Variants in RANBP2 observed in about 807,000 individuals in gnomAD.
RANBP2 encodes the protein RAN binding protein 2.
Under a neutral mutation model 303.6 loss-of-function variants are expected in RANBP2, and 57 were observed. The ratio of observed to expected loss-of-function variants is 0.19; its 90% CI spans 0.15 to 0.23. RANBP2 has a LOEUF of 0.23. Among genes scored for constraint, RANBP2 ranks in the 10% least tolerant of loss-of-function variants. RANBP2 has a pLI of 1.00. For synonymous variants in RANBP2, 1,167 were observed against 1,301.5 expected (o/e 0.90, Z 2.23); for missense variants, 3,138 against 3,780.8 (o/e 0.83, Z 4.46).
chr2:108,825,757 A>T, the RANBP2 span, among the ~76,000 whole-genome samples: 1 of 152,154 alleles, frequency 6.6e-6, no homozygotes, highest in Non-Finnish European at 1.5e-5. Flanking sequence ...GTTGCTATGA[A>T]CATTTATCCA....
the RANBP2 span, among the ~76,000 whole-genome samples, chr2:109,458,578 G>C: frequency 1.5e-5 from 2 of 137,590 alleles, no homozygotes; most frequent in South Asian, 2.4e-4. Context: ...GAGACAGAGA[G>C]AGAGAGAGAG....
At chr2:109,510,731 C>T in the RANBP2 span, among the ~76,000 whole-genome samples, 1 of 152,190 alleles carries the variant, frequency 6.6e-6, no homozygotes, top group South Asian at 2.1e-4. Flanking sequence ...GGGGAAGGGC[C>T]CCGTCTGACC....
the RANBP2 span, among the ~76,000 whole-genome samples, chr2:108,908,532 G>A: frequency 2.0e-5 from 3 of 152,102 alleles, no homozygotes; most frequent in East Asian, 1.9e-4. Flanking sequence ...GACTAGGGGG[G>A]TGACCTGGCT....
chr2:109,078,096 A>ATATATATATATATAGCG, the RANBP2 span, among the ~76,000 whole-genome samples: 16 of 54,636 alleles, frequency 2.9e-4, 1 homozygote, highest in African/African-American at 1.7e-3. Context: ...ATATATATAT[A>ATATATATATATATAGCG]TATATATATA....
At chr2:109,020,609 A>T in the RANBP2 span, among the ~76,000 whole-genome samples, 1 of 152,238 alleles carries the variant, frequency 6.6e-6, no homozygotes, top group Admixed American at 6.5e-5. Flanking sequence ...CCCCACAATG[A>T]TATTAACAAT....
At chr2:109,387,992 C>T in the RANBP2 span, among the ~76,000 whole-genome samples, 1 of 152,140 alleles carries the variant, frequency 6.6e-6, no homozygotes, top group South Asian at 2.1e-4. Context: ...TCCTCGGTCC[C>T]TGTTCAGGAG....
Position 108,781,371 on chromosome 2 carries a change from A to C in RANBP2, c.8702A>C (p.Asp2901Ala). Residue 2901 changes from aspartate (D) to alanine (A), a missense_variant, in exon 26 of 29, where the codon GAT becomes GCT. Physicochemically the swap from Asp to Ala is moderately radical, Grantham distance 126. This residue lies in a region of RANBP2 where 68 missense variants were observed against 117.4 expected (regional missense o/e 0.58). Coordinates refer to ENST00000283195, the MANE Select transcript of RANBP2 (RefSeq NM_006267.5). ...GTTGGTGAAGATGAAGATGGTAGTG[A>C]TGAAGAAGTAGTTCATAATGAAGAT... ...GKVGEDEDGS[D>A]EEVVHNEDIH... 6.2e-7 allele frequency: 1 copy of C among 1,614,204 alleles called. No homozygotes were observed. Among genetic ancestry groups the C allele is most frequent in the Non-Finnish European group, 8.5e-7 (1 of 1,180,040 alleles).
At chr2:108,799,701 A>G in the RANBP2 span, among the ~76,000 whole-genome samples, 31 of 152,276 alleles carry the variant, frequency 2.0e-4, no homozygotes, top group African/African-American at 7.0e-4. Context: ...TCTTCAGCCA[A>G]TATTTCATCA....
At chr2:109,538,456 T>C in the RANBP2 span, among the ~76,000 whole-genome samples, 1 of 152,234 alleles carries the variant, frequency 6.6e-6, no homozygotes, top group South Asian at 2.1e-4. Context: ...ACGGGCTTTC[T>C]TTAAATGTCT....
At chr2:109,213,939 A>G in the RANBP2 span, among the ~76,000 whole-genome samples, 1 of 152,174 alleles carries the variant, frequency 6.6e-6, no homozygotes, top group Admixed American at 6.5e-5. Flanking sequence ...TGACTCAGTG[A>G]CTGCCCTCAG....
chr2:108,769,842 G>A (rs1677374586), intron 20 of RANBP2, among the ~76,000 whole-genome samples: 1 of 151,890 alleles, frequency 6.6e-6, no homozygotes, highest in Middle Eastern at 3.4e-3. Context: ...CAAGAAGTGG[G>A]ATCTGTTGAA....
the RANBP2 span, chr2:108,930,200 C>A: frequency 1.9e-6 from 3 of 1,613,978 alleles, no homozygotes; most frequent in East Asian, 6.7e-5. Context: ...TCGTTCTCAC[C>A]GCAGTTTGAG....
chr2:109,118,877 G>T, the RANBP2 span, among the ~76,000 whole-genome samples: 1 of 152,196 alleles, frequency 6.6e-6, no homozygotes. Flanking sequence ...TGTCATTTGA[G>T]GGGGTGAGGC....
chr2:109,160,578 C>T, the RANBP2 span, among the ~76,000 whole-genome samples: 1 of 152,138 alleles, frequency 6.6e-6, no homozygotes, highest in Non-Finnish European at 1.5e-5. Context: ...GCAGTAACTC[C>T]AAGAGGTAAG....
chr2:109,683,506 C>A, the RANBP2 span, among the ~76,000 whole-genome samples: 1 of 152,138 alleles, frequency 6.6e-6, no homozygotes, highest in Non-Finnish European at 1.5e-5. Flanking sequence ...CTTAAGTAGA[C>A]TCTCAGGAGG....
chr2:109,355,359 A>G, the RANBP2 span, among the ~76,000 whole-genome samples: 2 of 152,190 alleles, frequency 1.3e-5, no homozygotes. Context: ...GGTTTGGTTT[A>G]GTTCACTCAT....
At chr2:108,922,474 A>T in the RANBP2 span, among the ~76,000 whole-genome samples, 1 of 152,318 alleles carries the variant, frequency 6.6e-6, no homozygotes, top group Admixed American at 6.5e-5. Context: ...CACAGCACAG[A>T]ACCCTCCTCC....
the RANBP2 span, among the ~76,000 whole-genome samples, chr2:108,984,759 A>G: frequency 6.6e-6 from 1 of 151,790 alleles, no homozygotes; most frequent in Non-Finnish European, 1.5e-5. Flanking sequence ...AAGCTCTGTG[A>G]GTGCAGGGAT....
chr2:109,622,107 G>A, the RANBP2 span, among the ~76,000 whole-genome samples: 1 of 151,986 alleles, frequency 6.6e-6, no homozygotes, highest in East Asian at 1.9e-4. Context: ...TACCCGATGA[G>A]GTTTCAAGTA....
Sources: allele counts gnomAD v4.1 joint callset (sites outside exome capture counted in the v4.1 genomes callset), GRCh38; gene constraint gnomAD v4.1.1; regional missense constraint gnomAD v4.1.1; transcripts MANE v1.5; gene names NCBI Gene and HGNC (gene_info 2026-07-23, HGNC 2026-07-21).